The following ANKFN1 variants were observed in gnomAD, a reference collection of about 807,000 sequenced individuals.
ANKFN1 encodes ankyrin repeat and fibronectin type III domain containing 1.
A neutral mutation model predicts 108.7 loss-of-function variants in ANKFN1; 74 were observed. The observed-to-expected ratio is 0.68, with a 90% confidence interval of 0.56 to 0.83. The LOEUF is 0.83. Ranked by LOEUF, ANKFN1 falls within the 40% of genes least tolerant of loss-of-function variation. The probability of loss-of-function intolerance (pLI) is 0.00; values close to 1 mark genes in which losing one functional copy is unlikely to be tolerated. For synonymous variants in ANKFN1, 547 were observed against 516.2 expected, an observed-to-expected ratio of 1.06 and a Z score of -0.81; for missense variants, 1,505 against 1,382.3, an observed-to-expected ratio of 1.09 and a Z score of -1.41.
At chr17:56,104,082 TGTC>T (rs1905697960) in intron 4 of ANKFN1, among the ~76,000 whole-genome samples, 10 of 152,208 alleles carry the variant, frequency 6.6e-5, no homozygotes, top group Admixed American at 6.5e-4. Context: ...GTTCTGAGGA[TGTC>T]TCTGTCTTCT....
rs774538936 is a variant in ANKFN1 at position 56,350,716 on chromosome 17, C to G, written c.189-50C>G. 2.0e-6 allele frequency: 3 copies of G among 1,518,764 alleles called. No individual in the cohort carries two copies. The South Asian group carries it at 3.4e-5, about 17-fold the overall frequency. 94.1% of individuals were successfully genotyped at this position (1,518,764 alleles called of 1,614,324 possible). A position where few individuals can be genotyped will look rare whatever the true frequency, so the allele number is the denominator to read the frequency against. The stretch of plus-strand genomic sequence containing the variant: ...TGGAGATGATAAAATCATATGTCAA[C>G]TTATAATTTGTGGTGTAAAAGATAT... On this transcript the variant is annotated intron_variant, in intron 4 of 20. Coordinates refer to ENST00000682825, the MANE Select transcript of ANKFN1 (RefSeq NM_001370326.1).
chr17:56,486,485 C>T (rs1013940480), intron 18 of ANKFN1, among the ~76,000 whole-genome samples: 2 of 152,200 alleles, frequency 1.3e-5, no homozygotes, highest in African/African-American at 4.8e-5. Context: ...TATCCCCAAG[C>T]AATCAGAGCT....
At chr17:56,133,320 T>C (rs1460517021) in intron 4 of ANKFN1, among the ~76,000 whole-genome samples, 1 of 152,204 alleles carries the variant, frequency 6.6e-6, no homozygotes, top group African/African-American at 2.4e-5. Flanking sequence ...GCATGTGCAC[T>C]ATGACCCCCA....
chr17:56,427,742 G>C (rs2048616210), intron 8 of ANKFN1, among the ~76,000 whole-genome samples: 1 of 152,050 alleles, frequency 6.6e-6, no homozygotes, highest in African/African-American at 2.4e-5. Flanking sequence ...ACCTCAAAAT[G>C]GCTATTAATC....
rs569555456 is a variant in ANKFN1, at chr17:56,362,248, A to T, written c.601+8202A>T. Among the ~76,000 whole-genome samples the T allele has an allele frequency of 3.3e-5, 5 of 152,358 alleles. No homozygotes were observed. In the South Asian group the frequency reaches 1.0e-3, roughly 32 times the overall value. On this transcript the variant is annotated intron_variant, in intron 6 of 20. Transcript: ENST00000682825. Reference sequence around the variant, plus strand: ...CAAGAGTTTCTGGTAAAGAATTTAAATATTTTACCCATTAGTTATATAGTT... The same window carrying T: ...CAAGAGTTTCTGGTAAAGAATTTAATTATTTTACCCATTAGTTATATAGTT...
intron 10 of ANKFN1, among the ~76,000 whole-genome samples, chr17:56,447,195 C>T (rs992543863): frequency 5.3e-5 from 8 of 151,990 alleles, no homozygotes; most frequent in Non-Finnish European, 8.8e-5. Context: ...TGCACCCCAG[C>T]GTGGGTGACA....
At chr17:56,299,814 T>C (rs1277661013) in intron 3 of ANKFN1, among the ~76,000 whole-genome samples, 3 of 152,204 alleles carry the variant, frequency 2.0e-5, no homozygotes, top group Non-Finnish European at 4.4e-5. Context: ...ATTTCTATTC[T>C]CCATTGTGAT....
At chr17:56,220,174 G>A (rs973059503) in intron 2 of ANKFN1, among the ~76,000 whole-genome samples, 9 of 152,200 alleles carry the variant, frequency 5.9e-5, no homozygotes, top group Non-Finnish European at 8.8e-5. Context: ...CTCAAAGGGG[G>A]AGGTCATCAC....
At chr17:56,078,062 G>T (rs775218542) in intron 4 of ANKFN1, among the ~76,000 whole-genome samples, 1 of 151,982 alleles carries the variant, frequency 6.6e-6, no homozygotes, top group Non-Finnish European at 1.5e-5. Context: ...TTGTTGTAGC[G>T]GGCAGTAAAT....
intron 4 of ANKFN1, among the ~76,000 whole-genome samples, chr17:56,110,405 T>A (rs1407465359): frequency 6.6e-6 from 1 of 152,212 alleles, no homozygotes; most frequent in Non-Finnish European, 1.5e-5. Flanking sequence ...TTCATAGACC[T>A]GAAGCCTTTC....
intron 3 of ANKFN1, chr17:56,323,289 TAG>T (rs1225960862): frequency 6.6e-6 from 1 of 152,430 alleles, no homozygotes; most frequent in African/African-American, 2.4e-5. Context: ...TAGTCATTAT[TAG>T]AGTCTTCTCT....
intron 4 of ANKFN1, among the ~76,000 whole-genome samples, chr17:56,100,028 A>G (rs542846548): frequency 6.6e-6 from 1 of 152,360 alleles, no homozygotes; most frequent in African/African-American, 2.4e-5. Context: ...TAACAAAGAA[A>G]GCGGCAACAA....
intron 4 of ANKFN1, among the ~76,000 whole-genome samples, chr17:56,105,262 G>C (rs1340391313): frequency 6.6e-6 from 1 of 152,154 alleles, no homozygotes; most frequent in Admixed American, 6.5e-5. Flanking sequence ...TGAGTGACTG[G>C]TTCTGTATGG....
At chr17:56,188,581 GTA>G (rs61556880) in intron 1 of ANKFN1, among the ~76,000 whole-genome samples, 878 of 49,606 alleles carry the variant, frequency 0.018, 15 homozygotes, top group Non-Finnish European at 0.023. Context: ...GTGTGTGTGT[GTA>G]TATATATATA....
intron 1 of ANKFN1, among the ~76,000 whole-genome samples, chr17:56,159,465 ACT>A (rs1255803097): frequency 1.2e-4 from 19 of 152,196 alleles, no homozygotes; most frequent in African/African-American, 4.6e-4. Context: ...TTCTTCAGCA[ACT>A]CTGAAATAAA....
At chr17:56,179,192 C>G (rs528852486) in intron 1 of ANKFN1, among the ~76,000 whole-genome samples, 1 of 152,278 alleles carries the variant, frequency 6.6e-6, no homozygotes, top group South Asian at 2.1e-4. Flanking sequence ...GTTTCATGAT[C>G]ATAGGTCAAA....
At chr17:56,268,835 C>A (rs2043720949) in intron 3 of ANKFN1, among the ~76,000 whole-genome samples, 1 of 152,096 alleles carries the variant, frequency 6.6e-6, no homozygotes, top group African/African-American at 2.4e-5. Context: ...CCCTCTTTCT[C>A]AGTCTGCAAA....
intron 4 of ANKFN1, among the ~76,000 whole-genome samples, chr17:56,105,711 CTG>C (rs147924842): frequency 0.042 from 6,126 of 144,460 alleles, 413 homozygotes; most frequent in African/African-American, 0.15. Context: ...GTTTTTTTGT[CTG>C]TGTGTGTGTG....
chr17:56,269,600 A>G (rs924289935), intron 3 of ANKFN1, among the ~76,000 whole-genome samples: 1 of 152,214 alleles, frequency 6.6e-6, no homozygotes, highest in Non-Finnish European at 1.5e-5. Context: ...CCTGGATTTC[A>G]TGAGAAAAAA....
Sources: gnomAD v4.1 joint callset for allele counts (sites outside exome capture counted in the v4.1 genomes callset) on GRCh38, gnomAD v4.1.1 for gene constraint, MANE v1.5 for transcripts, NCBI Gene and HGNC (gene_info 2026-07-23, HGNC 2026-07-21) for gene names.